DAB1: variants seen among roughly 807,000 people sequenced by gnomAD.
DAB1 encodes the protein disabled homolog 1.
In DAB1, 15 loss-of-function variants were observed where a neutral mutation model predicts 64.6. That is an observed-to-expected ratio of 0.23 (90% CI 0.16 to 0.36). DAB1 has a LOEUF of 0.36. Ranked by LOEUF, DAB1 falls within the 10% of genes least tolerant of loss-of-function variation. DAB1 has a pLI of 1.00. For missense variants in DAB1, 596 were observed against 706.7 expected, an observed-to-expected ratio of 0.84 and a Z score of 1.78; for synonymous variants, 235 against 251.9, an observed-to-expected ratio of 0.93 and a Z score of 0.64.
At chr1:58,249,359 C>G (rs2100400464) in intron 4 of DAB1, among the ~76,000 whole-genome samples, 1 of 151,528 alleles carries the variant, frequency 6.6e-6, no homozygotes, top group Non-Finnish European at 1.5e-5. Context: ...ACCTCATCAT[C>G]AGTGAAAGCT....
At chr1:57,837,250 A>C (rs773382964) in intron 1 of DAB1, among the ~76,000 whole-genome samples, 1 of 152,202 alleles carries the variant, frequency 6.6e-6, no homozygotes, top group Non-Finnish European at 1.5e-5. Flanking sequence ...TCTTAAAACC[A>C]TTCAGCGGGT....
intron 4 of DAB1, among the ~76,000 whole-genome samples, chr1:58,323,398 T>A (rs1390542574): frequency 1.3e-5 from 2 of 152,134 alleles, no homozygotes; most frequent in Non-Finnish European, 2.9e-5. Flanking sequence ...TGTAAGTCTG[T>A]TCTCTTTTTA....
intron 1 of DAB1, among the ~76,000 whole-genome samples, chr1:57,335,108 C>A (rs949578512): frequency 2.0e-5 from 3 of 152,092 alleles, no homozygotes; most frequent in African/African-American, 7.2e-5. Flanking sequence ...CTAAGCTGGG[C>A]TAACATCTGT....
At chr1:57,513,626 A>C (rs1289555743) in intron 7 of DAB1, among the ~76,000 whole-genome samples, 2 of 152,218 alleles carry the variant, frequency 1.3e-5, no homozygotes, top group African/African-American at 4.8e-5. Context: ...ATATGTATAC[A>C]TTGTGGAACT....
chr1:58,389,988 A>G (rs961083598), intron 3 of DAB1, among the ~76,000 whole-genome samples: 2 of 152,052 alleles, frequency 1.3e-5, no homozygotes, highest in East Asian at 3.9e-4. Context: ...GGGGTTCAAA[A>G]TCCTACATAG....
chr1:57,380,569 T>C (rs1236662492), intron 1 of DAB1, among the ~76,000 whole-genome samples: 1 of 152,202 alleles, frequency 6.6e-6, no homozygotes. Context: ...GTGATGATAA[T>C]GATAATGATG....
chr1:58,083,681 A>C lies in DAB1; in HGVS notation n.387+66830T>G, dbSNP rs907884758. Among the ~76,000 whole-genome samples, 10 of 152,266 alleles carry C rather than the reference A, an allele frequency of 6.6e-5. 1 individual carries two copies. The South Asian group carries it at 1.0e-3, about 16-fold the overall frequency. ...CACTGCTCTAGACATTGGTGAATAA[A>C]ATAGACAAAGTCCCTGCTTATGACA... On this transcript the variant is annotated intron_variant and non_coding_transcript_variant, in intron 5 of 20. Coordinates refer to the DAB1 transcript ENST00000485760.
At chr1:58,450,364 G>C (rs1645118837) in intron 3 of DAB1, among the ~76,000 whole-genome samples, 1 of 152,130 alleles carries the variant, frequency 6.6e-6, no homozygotes, top group South Asian at 2.1e-4. Context: ...TTCTAATCCT[G>C]GTCTGAGGAG....
Position 57,702,974 on chromosome 1 carries a change from C to T in DAB1, n.552-53309G>A, listed in dbSNP as rs142025494. On this transcript the variant is annotated intron_variant and non_coding_transcript_variant, in intron 6 of 20. Coordinates refer to the DAB1 transcript ENST00000485760. ...TATTCAATAAATGGTGCTGGAATAACTGGTTAGCTATATACAGAAGATTGA... is the reference window on the plus strand; with the variant it reads ...TATTCAATAAATGGTGCTGGAATAATTGGTTAGCTATATACAGAAGATTGA... 4.2e-3 allele frequency among the ~76,000 whole-genome samples: 642 copies of T among 152,212 alleles called. 17 individuals carry two copies. The highest frequency in any genetic ancestry group is 6.2e-4 in the Non-Finnish European group (42 of 68,002).
At chr1:57,722,470 G>C (rs527331089) in intron 6 of DAB1, among the ~76,000 whole-genome samples, 1 of 152,210 alleles carries the variant, frequency 6.6e-6, no homozygotes, top group South Asian at 2.1e-4. Context: ...ACACAATGCT[G>C]TCATCATGAC....
At chr1:57,539,897 C>A (rs897843615) in intron 7 of DAB1, among the ~76,000 whole-genome samples, 1 of 152,222 alleles carries the variant, frequency 6.6e-6, no homozygotes, top group South Asian at 2.1e-4. Context: ...CTGACATAAA[C>A]CCAAACAGAT....
At chr1:57,087,302 G>A (rs1177835005) in intron 4 of DAB1, among the ~76,000 whole-genome samples, 1 of 152,244 alleles carries the variant, frequency 6.6e-6, no homozygotes. Context: ...AGATGGAGAT[G>A]CAGAGCCTGG....
intron 1 of DAB1, among the ~76,000 whole-genome samples, chr1:57,379,175 C>T (rs1279396278): frequency 6.6e-6 from 1 of 152,118 alleles, no homozygotes; most frequent in African/African-American, 2.4e-5. Context: ...AAACCCCCTC[C>T]CCCACCATCT....
intron 4 of DAB1, among the ~76,000 whole-genome samples, chr1:58,178,340 A>T (rs1371724151): frequency 6.6e-6 from 1 of 152,140 alleles, no homozygotes; most frequent in East Asian, 1.9e-4. Context: ...ACATGCACAT[A>T]TACGCTATTA....
At chr1:58,223,023 C>G (rs1659258504) in intron 4 of DAB1, among the ~76,000 whole-genome samples, 1 of 152,182 alleles carries the variant, frequency 6.6e-6, no homozygotes, top group Non-Finnish European at 1.5e-5. Flanking sequence ...CCCCATAGCA[C>G]TTACCCCATT....
intron 7 of DAB1, among the ~76,000 whole-genome samples, chr1:57,468,711 CT>C (rs1287654781): frequency 6.6e-6 from 1 of 152,050 alleles, no homozygotes; most frequent in African/African-American, 2.4e-5. Flanking sequence ...TGAGCAGATG[CT>C]CAATATGGAA....
intron 7 of DAB1, among the ~76,000 whole-genome samples, chr1:57,634,468 G>T (rs1646028172): frequency 6.6e-6 from 1 of 152,180 alleles, no homozygotes; most frequent in Non-Finnish European, 1.5e-5. Context: ...ATAATAGTAT[G>T]CATATCCCTT....
intron 3 of DAB1, among the ~76,000 whole-genome samples, chr1:58,460,298 G>A (rs1029995429): frequency 2.0e-5 from 3 of 152,176 alleles, no homozygotes; most frequent in African/African-American, 7.2e-5. Flanking sequence ...CTGTGGTAGA[G>A]ATGCACACAC....
At chr1:57,193,310 T>A (rs148956579) in intron 2 of DAB1, among the ~76,000 whole-genome samples, 1 of 151,322 alleles carries the variant, frequency 6.6e-6, no homozygotes, top group Admixed American at 6.6e-5. Context: ...AGTGGACTCA[T>A]ACAGTACTGG....
Sources: allele counts gnomAD v4.1 joint callset (sites outside exome capture counted in the v4.1 genomes callset), GRCh38; gene constraint gnomAD v4.1.1; transcripts MANE v1.5; gene names NCBI Gene and HGNC (gene_info 2026-07-23, HGNC 2026-07-21).